Variants in ZSWIM5 observed in about 807,000 individuals in gnomAD.
The protein encoded by ZSWIM5 is zinc finger SWIM-type containing 5, also known as zinc finger SWIM domain-containing protein 5.
A neutral mutation model predicts 119.6 loss-of-function variants in ZSWIM5; 55 were observed. The observed-to-expected ratio is 0.46, with a 90% CI of 0.37 to 0.58. ZSWIM5 has a LOEUF of 0.58. ZSWIM5 is among the 20% of genes least tolerant of loss of function. The pLI, the probability that ZSWIM5 is intolerant of heterozygous loss-of-function variation, is 0.00. For missense variants in ZSWIM5, 1,193 were observed against 1,512.8 expected (o/e 0.79, Z 3.51); for synonymous variants, 537 against 606.9 (o/e 0.88, Z 1.69).
intron 1 of ZSWIM5, among the ~76,000 whole-genome samples, chr1:45,107,323 T>C (rs1369807199): frequency 6.6e-6 from 1 of 152,080 alleles, no homozygotes; most frequent in Non-Finnish European, 1.5e-5. Flanking sequence ...AAATCTAACA[T>C]GCATAAAACA....
At chr1:45,152,697 A>G (rs955433205) in intron 1 of ZSWIM5, among the ~76,000 whole-genome samples, 5 of 152,168 alleles carry the variant, frequency 3.3e-5, no homozygotes, top group Non-Finnish European at 5.9e-5. Context: ...GGCCTTGGGA[A>G]AGAATTTATG....
At chr1:45,031,398 G>A (rs1294512748) in intron 11 of ZSWIM5, among the ~76,000 whole-genome samples, 2 of 150,282 alleles carry the variant, frequency 1.3e-5, no homozygotes, top group African/African-American at 2.4e-5. Flanking sequence ...TAGCCAGGCT[G>A]GTCTCGAACT....
At chr1:45,076,775 G>A (rs1284665878) in intron 2 of ZSWIM5, among the ~76,000 whole-genome samples, 1 of 151,758 alleles carries the variant, frequency 6.6e-6, no homozygotes, top group Non-Finnish European at 1.5e-5. Context: ...GATCTTGTAG[G>A]TATGTATCAC....
intron 1 of ZSWIM5, among the ~76,000 whole-genome samples, chr1:45,122,158 T>C (rs1278718826): frequency 6.6e-6 from 1 of 152,194 alleles, no homozygotes; most frequent in Non-Finnish European, 1.5e-5. Context: ...AACAGTATTA[T>C]CAAGTGTTAA....
chr1:45,173,483 T>C (rs1465133009), intron 1 of ZSWIM5, among the ~76,000 whole-genome samples: 3 of 152,154 alleles, frequency 2.0e-5, no homozygotes, highest in Non-Finnish European at 4.4e-5. Context: ...TAAATTTAAC[T>C]GAGTTTTTTT....
Position 45,185,415 on chromosome 1 carries a change from G to T in ZSWIM5, c.595+20341C>A, listed in dbSNP as rs145010297. 0.027 allele frequency among the ~76,000 whole-genome samples: 4,151 copies of T among 151,112 alleles called. 439 individuals carry two copies. In the East Asian group the frequency reaches 0.38, roughly 14 times the overall value. On this transcript the variant is annotated intron_variant, in intron 1 of 13. Transcript: ENST00000359600. ...ATTGACAAATGGGATCTAATTAAAC[G>T]AAAGAGCTTCTGCACAGCAAAAGAA...
At chr1:45,055,208 T>C (rs1168449145) in intron 4 of ZSWIM5, among the ~76,000 whole-genome samples, 1 of 152,138 alleles carries the variant, frequency 6.6e-6, no homozygotes, top group Non-Finnish European at 1.5e-5. Context: ...GCCAGGATGG[T>C]CTCAATCTCC....
chr1:45,020,279 T>C (rs1462903387), intron 12 of ZSWIM5, 132 bp from the exon 13 acceptor site: 1 of 745,460 alleles, frequency 1.3e-6, no homozygotes, highest in Non-Finnish European at 2.3e-6. Flanking sequence ...AAACATAAAA[T>C]ACAGTTAATT....
At chr1:45,135,283 G>A (rs1645682654) in intron 1 of ZSWIM5, among the ~76,000 whole-genome samples, 1 of 152,152 alleles carries the variant, frequency 6.6e-6, no homozygotes, top group Non-Finnish European at 1.5e-5. Context: ...GGGAGGAGAG[G>A]AAATTAGTGT....
chr1:45,096,293 A>G (rs74625046), intron 1 of ZSWIM5, among the ~76,000 whole-genome samples: 3,134 of 152,132 alleles, frequency 0.021, 114 homozygotes, highest in African/African-American at 0.072. Context: ...ACACGCACGC[A>G]CACATACACA....
At chr1:45,096,515 G>A (rs1645403525) in intron 1 of ZSWIM5, among the ~76,000 whole-genome samples, 1 of 144,300 alleles carries the variant, frequency 6.9e-6, no homozygotes, top group Non-Finnish European at 1.5e-5. Flanking sequence ...TCAGGCAGCT[G>A]CTTGCCTTGT....
chr1:45,066,507 C>A (rs1177398735), intron 2 of ZSWIM5, among the ~76,000 whole-genome samples: 1 of 151,922 alleles, frequency 6.6e-6, no homozygotes, highest in South Asian at 2.1e-4. Flanking sequence ...TAGGAGTTAG[C>A]CTGGCAGAGA....
chr1:45,201,752 T>G (rs1198843254), intron 1 of ZSWIM5, among the ~76,000 whole-genome samples: 1 of 152,188 alleles, frequency 6.6e-6, no homozygotes, highest in Non-Finnish European at 1.5e-5. Flanking sequence ...TTGAAGAAAT[T>G]GATAAATCAC....
At chr1:45,196,460 G>A (rs1288904478) in intron 1 of ZSWIM5, among the ~76,000 whole-genome samples, 2 of 135,236 alleles carry the variant, frequency 1.5e-5, no homozygotes, top group East Asian at 4.3e-4. Flanking sequence ...GCACGATATC[G>A]GCTCACTGCA....
chr1:45,123,980 G>T (rs537697382), intron 1 of ZSWIM5, among the ~76,000 whole-genome samples: 1 of 152,184 alleles, frequency 6.6e-6, no homozygotes, highest in South Asian at 2.1e-4. Flanking sequence ...TTTTTCAAGT[G>T]TTGAAAGAAA....
At chr1:45,177,547 G>A (rs1280552146) in intron 1 of ZSWIM5, among the ~76,000 whole-genome samples, 1 of 151,984 alleles carries the variant, frequency 6.6e-6, no homozygotes, top group Non-Finnish European at 1.5e-5. Context: ...TATTTCCCAG[G>A]TCTGAATCTC....
At chr1:45,194,705 G>A (rs545015069) in intron 1 of ZSWIM5, among the ~76,000 whole-genome samples, 130 of 152,084 alleles carry the variant, frequency 8.5e-4, no homozygotes, top group Middle Eastern at 3.4e-3. Flanking sequence ...GTGAAACCCT[G>A]TTTCTACTAA....
chr1:45,133,394 T>G (rs973379195), intron 1 of ZSWIM5, among the ~76,000 whole-genome samples: 2 of 152,234 alleles, frequency 1.3e-5, no homozygotes, highest in Admixed American at 1.3e-4. Flanking sequence ...ATGTGTCTGT[T>G]GGCTGCATAA....
intron 1 of ZSWIM5, among the ~76,000 whole-genome samples, chr1:45,120,921 C>T (rs1314002248): frequency 2.0e-5 from 3 of 152,066 alleles, no homozygotes; most frequent in African/African-American, 7.2e-5. Flanking sequence ...AAGGGTAATT[C>T]TTCCACCTCT....
Sources: allele counts gnomAD v4.1 joint callset (sites outside exome capture counted in the v4.1 genomes callset), GRCh38; gene constraint gnomAD v4.1.1; transcripts MANE v1.5; gene names NCBI Gene and HGNC (gene_info 2026-07-23, HGNC 2026-07-21).